Variants in ZC3H12B observed in about 807,000 individuals in gnomAD.
ZC3H12B encodes zinc finger CCCH-type containing 12B.
Under a neutral mutation model 43.9 loss-of-function variants are expected in ZC3H12B, and 7 were observed. The observed-to-expected ratio is 0.16, with a 90% confidence interval of 0.09 to 0.30. ZC3H12B has a LOEUF of 0.30. Among genes scored for constraint, ZC3H12B ranks in the 10% least tolerant of loss-of-function variants. ZC3H12B has a pLI of 1.00. For missense variants in ZC3H12B, 475 were observed against 670.2 expected, an observed-to-expected ratio of 0.71 and a Z score of 3.22; for synonymous variants, 222 against 241.7, an observed-to-expected ratio of 0.92 and a Z score of 0.76.
At chrX:65,160,499 T>G in the ZC3H12B span, among the ~76,000 whole-genome samples, 1 of 111,899 alleles carries the variant, frequency 8.9e-6, no homozygotes, top group Non-Finnish European at 1.9e-5. Flanking sequence ...GGAGGTTGTA[T>G]GTGTCGAGGA....
chrX:65,443,971 A>G (rs1004857253), intron 3 of ZC3H12B, among the ~76,000 whole-genome samples: 5 of 112,267 alleles, frequency 4.5e-5, no homozygotes, highest in African/African-American at 1.6e-4. Context: ...CACTCTATGT[A>G]TGTTGATTGA....
chrX:65,120,920 G>T, the ZC3H12B span, among the ~76,000 whole-genome samples: 1 of 111,544 alleles, frequency 9.0e-6, no homozygotes, highest in Admixed American at 9.5e-5. Context: ...TGTGGTTTTT[G>T]TCATTGGTTC....
the ZC3H12B span, among the ~76,000 whole-genome samples, chrX:65,166,735 T>C: frequency 8.9e-6 from 1 of 111,982 alleles, no homozygotes; most frequent in African/African-American, 3.2e-5. Flanking sequence ...ATGATCGCCA[T>C]TCTAACTGGT....
chrX:65,445,194 C>T (rs1319208859), intron 3 of ZC3H12B, among the ~76,000 whole-genome samples: 1 of 112,464 alleles, frequency 8.9e-6, no homozygotes, highest in East Asian at 2.8e-4. Flanking sequence ...CTGTATCTCT[C>T]TGAAATTGGT....
chrX:65,079,804 A>G, the ZC3H12B span, among the ~76,000 whole-genome samples: 5 of 111,218 alleles, frequency 4.5e-5, no homozygotes, highest in Non-Finnish European at 7.5e-5. Context: ...TAACTCTTCA[A>G]TACCCAGACA....
the ZC3H12B span, among the ~76,000 whole-genome samples, chrX:65,230,225 G>T: frequency 1.8e-5 from 2 of 111,399 alleles, no homozygotes; most frequent in Non-Finnish European, 3.8e-5. Context: ...ATGAGTTCAT[G>T]TCCTTTGTAG....
intron 4 of ZC3H12B, among the ~76,000 whole-genome samples, chrX:65,501,359 T>C (rs1360139622): frequency 9.5e-6 from 1 of 105,012 alleles, no homozygotes. Context: ...TCAAGAATTC[T>C]CCCACCTCAG....
intron 2 of ZC3H12B, among the ~76,000 whole-genome samples, chrX:65,376,773 AC>A (rs2066352687): frequency 9.0e-6 from 1 of 111,304 alleles, no homozygotes; most frequent in Non-Finnish European, 1.9e-5. Context: ...CCTTTCAAAT[AC>A]CCAGAAAGCC....
chrX:65,085,962 A>AACAATGAT, the ZC3H12B span, among the ~76,000 whole-genome samples: 1 of 110,890 alleles, frequency 9.0e-6, no homozygotes, highest in Non-Finnish European at 1.9e-5. Context: ...ACAGCAAAGT[A>AACAATGAT]ACAATGATAT....
At chrX:65,139,072 T>C in the ZC3H12B span, among the ~76,000 whole-genome samples, 12 of 112,559 alleles carry the variant, frequency 1.1e-4, no homozygotes. Context: ...TTTACTCAGC[T>C]GTGCAGAAGC....
At chrX:65,063,791 C>G in the ZC3H12B span, among the ~76,000 whole-genome samples, 1 of 111,459 alleles carries the variant, frequency 9.0e-6, no homozygotes, top group Non-Finnish European at 1.9e-5. Context: ...TGGAGCTTGG[C>G]TTTTTTTGGT....
At chrX:65,480,248 T>C (rs961488154) in intron 3 of ZC3H12B, among the ~76,000 whole-genome samples, 1 of 112,629 alleles carries the variant, frequency 8.9e-6, no homozygotes, top group Non-Finnish European at 1.9e-5. Context: ...CATGAACTTT[T>C]AAACATTTGG....
the ZC3H12B span, among the ~76,000 whole-genome samples, chrX:65,141,894 GTTTC>G: frequency 6.3e-5 from 7 of 111,748 alleles, no homozygotes; most frequent in East Asian, 1.4e-3. Flanking sequence ...ATACACCACA[GTTTC>G]TTTATCCACT....
At chrX:65,177,333 C>G in the ZC3H12B span, among the ~76,000 whole-genome samples, 2 of 111,770 alleles carry the variant, frequency 1.8e-5, no homozygotes, top group South Asian at 7.5e-4. Context: ...ACTGAACGGG[C>G]AAAAGCTGGA....
the ZC3H12B span, among the ~76,000 whole-genome samples, chrX:65,308,005 A>C: frequency 9.0e-6 from 1 of 111,496 alleles, no homozygotes; most frequent in Non-Finnish European, 1.9e-5. Flanking sequence ...CTTCAAAAAC[A>C]AATGTGAAGT....
chrX:65,317,344 A>G, the ZC3H12B span, among the ~76,000 whole-genome samples: 1 of 110,728 alleles, frequency 9.0e-6, no homozygotes, highest in Non-Finnish European at 1.9e-5. Flanking sequence ...GCTGAACTGC[A>G]TACAATTACA....
chrX:65,326,626 T>A, the ZC3H12B span, among the ~76,000 whole-genome samples: 3 of 110,826 alleles, frequency 2.7e-5, no homozygotes, highest in Admixed American at 9.6e-5. Flanking sequence ...TTCAATAATC[T>A]AGTGTATTAC....
chrX:65,250,337 T>G, the ZC3H12B span, among the ~76,000 whole-genome samples: 1 of 112,163 alleles, frequency 8.9e-6, no homozygotes, highest in Non-Finnish European at 1.9e-5. Flanking sequence ...AGTCAATCAT[T>G]GATGGATATT....
the ZC3H12B span, among the ~76,000 whole-genome samples, chrX:65,249,377 G>A: frequency 9.0e-6 from 1 of 110,792 alleles, no homozygotes; most frequent in Admixed American, 9.6e-5. Flanking sequence ...AAGATCAGTT[G>A]GCTTTACTTT....
Sources: gnomAD v4.1 joint callset for allele counts (sites outside exome capture counted in the v4.1 genomes callset) on GRCh38, gnomAD v4.1.1 for gene constraint, MANE v1.5 for transcripts, NCBI Gene and HGNC (gene_info 2026-07-23, HGNC 2026-07-21) for gene names.